Variants in EFCAB13 observed in about 807,000 individuals in gnomAD.
EFCAB13 encodes EF-hand calcium-binding domain-containing protein 13.
EFCAB13 carries 91 observed loss-of-function variants against 110.2 expected under a neutral mutation model. The ratio of observed to expected loss-of-function variants is 0.83; its 90% CI spans 0.70 to 0.98. The LOEUF (loss-of-function observed/expected upper bound fraction) is 0.98. Ranked by LOEUF, EFCAB13 falls within the 50% of genes least tolerant of loss-of-function variation. The pLI is 0.00. For synonymous variants in EFCAB13, 323 were observed against 369.9 expected (o/e 0.87, Z 1.45); for missense variants, 968 against 1,119.4 (o/e 0.86, Z 1.93).
At position 47,324,963 on chromosome 17, in the gene EFCAB13, A is replaced by G. The variant is rs547217131; in HGVS notation, c.-248+440A>G. Among the ~76,000 whole-genome samples the G allele has an allele frequency of 2.5e-4, 32 of 126,762 alleles. No homozygotes were observed. The South Asian group carries it at 8.8e-3, about 35-fold the overall frequency. 83.2% of individuals were successfully genotyped at this position (126,762 alleles called of 152,430 possible). A position where few individuals can be genotyped will look rare whatever the true frequency, so the allele number is the denominator to read the frequency against. On this transcript the variant is annotated intron_variant, in intron 2 of 24. Transcript: ENST00000331493. Reference sequence around the variant, plus strand: ...CCAGATGGCTCCTTTCAAGTTTGTCAGTGTCCTCCGTGTTGTGAAACCTAG... The same window carrying G: ...CCAGATGGCTCCTTTCAAGTTTGTCGGTGTCCTCCGTGTTGTGAAACCTAG...
intron 9 of EFCAB13, among the ~76,000 whole-genome samples, chr17:47,348,569 A>G (rs1489818567): frequency 1.3e-5 from 2 of 151,860 alleles, no homozygotes; most frequent in Admixed American, 1.3e-4. Context: ...ATATTGTTGT[A>G]TACTGCTTTT....
chr17:47,438,089 G>A lies in EFCAB13; in HGVS notation c.2639-2342G>A, dbSNP rs148404703. On this transcript the variant is annotated intron_variant, in intron 24 of 24. Coordinates refer to ENST00000331493, the MANE Select transcript of EFCAB13 (RefSeq NM_152347.5). ...TTCTTGGCTGATAATTGTTTTGTTTGAAGAGGCTGAAGATAGGGCCCTAAT... is the reference window on the plus strand; with the variant it reads ...TTCTTGGCTGATAATTGTTTTGTTTAAAGAGGCTGAAGATAGGGCCCTAAT... Among the ~76,000 whole-genome samples, 646 of 152,252 alleles carry A rather than the reference G, an allele frequency of 4.2e-3. 18 individuals are homozygous for A. The East Asian group carries it at 0.064, about 15-fold the overall frequency.
chr17:47,361,505 A>T lies in EFCAB13; in HGVS notation c.789A>T (p.Lys263Asn). The change falls in exon 10 of 25, where the codon AAA becomes AAT. Residue 263 changes from lysine (K) to asparagine (N), a missense_variant. Coordinates refer to ENST00000331493, the MANE Select transcript of EFCAB13 (RefSeq NM_152347.5). The part of the protein sequence containing the change: ...INREILEEVT[K>N]HTYIDSNHMV... ...GTGAAATTTTAGAAGAAGTGACAAA[A>T]CATACCTATATTGACAGTGAGTTAT... The T allele has an allele frequency of 6.3e-7, 1 of 1,580,620 alleles. No homozygotes were observed. Among genetic ancestry groups the T allele is most frequent in the Non-Finnish European group, 8.6e-7 (1 of 1,163,556 alleles).
chr17:47,328,039 A>C (rs2065297405), intron 3 of EFCAB13: 1 of 468,504 alleles, frequency 2.1e-6, no homozygotes, highest in Non-Finnish European at 3.7e-6. Context: ...ATGCCATTTG[A>C]AACTGGATTT....
intron 24 of EFCAB13, among the ~76,000 whole-genome samples, chr17:47,433,836 C>T (rs1319436132): frequency 6.6e-6 from 1 of 152,082 alleles, no homozygotes; most frequent in Non-Finnish European, 1.5e-5. Context: ...CTTTCTATTT[C>T]AGCCACCTGT....
At chr17:47,350,480 A>G (rs1191935436) in intron 9 of EFCAB13, among the ~76,000 whole-genome samples, 3 of 152,114 alleles carry the variant, frequency 2.0e-5, no homozygotes, top group Non-Finnish European at 2.9e-5. Flanking sequence ...AATTTTGTTC[A>G]CCACTCTTAC....
intron 23 of EFCAB13, among the ~76,000 whole-genome samples, chr17:47,426,613 A>G (rs1904968942): frequency 6.6e-6 from 1 of 152,176 alleles, no homozygotes; most frequent in South Asian, 2.1e-4. Context: ...TTTAATCTTT[A>G]TATTTAACTT....
chr17:47,397,675 G>T (rs1409302811), intron 17 of EFCAB13, among the ~76,000 whole-genome samples: 1 of 151,618 alleles, frequency 6.6e-6, no homozygotes, highest in Admixed American at 6.6e-5. Flanking sequence ...CCCCGCCTGG[G>T]ATGTGAGGAG....
At chr17:47,338,162 G>T (rs1381926987) in intron 5 of EFCAB13, among the ~76,000 whole-genome samples, 1 of 151,922 alleles carries the variant, frequency 6.6e-6, no homozygotes, top group African/African-American at 2.4e-5. Flanking sequence ...ATATATGGGG[G>T]ATATAAAGCA....
intron 17 of EFCAB13, among the ~76,000 whole-genome samples, chr17:47,400,292 C>G (rs994515689): frequency 6.6e-6 from 1 of 152,126 alleles, no homozygotes; most frequent in African/African-American, 2.4e-5. Flanking sequence ...GTGATTAATC[C>G]TGTTTTGGTG....
chr17:47,329,733 C>T (rs541064521), intron 4 of EFCAB13: 11 of 152,176 alleles, frequency 7.2e-5, no homozygotes, highest in Non-Finnish European at 1.5e-4. Flanking sequence ...TGTTTTCATT[C>T]ACTTGGCCTT....
intron 22 of EFCAB13, among the ~76,000 whole-genome samples, chr17:47,413,999 A>G (rs374193174): frequency 3.5e-4 from 54 of 152,228 alleles, no homozygotes; most frequent in African/African-American, 1.3e-3. Flanking sequence ...TTAGTACTCA[A>G]TGCTTAGCAT....
In EFCAB13 at chr17:47,404,705, C is replaced by T. The variant is rs560169150; in HGVS notation, c.2233+72C>T. 7 of 1,193,236 alleles carry T rather than the reference C, an allele frequency of 5.9e-6. No homozygotes were observed. In the African/African-American group the frequency reaches 1.1e-4, roughly 18 times the overall value. The allele number at this position is 1,193,236 out of a possible 1,614,324, so 73.9% of individuals were successfully genotyped here. ...TATTCAAAGTTCACCTAGTAAAACC[C>T]TAAATTTGGTGTTTAAATCTTCTTT... On this transcript the variant is annotated intron_variant, in intron 20 of 24. Coordinates refer to ENST00000331493, the MANE Select transcript of EFCAB13 (RefSeq NM_152347.5).
intron 11 of EFCAB13, among the ~76,000 whole-genome samples, chr17:47,374,056 G>T: frequency 6.6e-6 from 1 of 152,046 alleles, no homozygotes; most frequent in East Asian, 1.9e-4. Context: ...GAATATTTAG[G>T]AGAGTAATTA....
At chr17:47,395,146 A>G (rs915819484) in intron 16 of EFCAB13, among the ~76,000 whole-genome samples, 1 of 152,140 alleles carries the variant, frequency 6.6e-6, no homozygotes, top group African/African-American at 2.4e-5. Flanking sequence ...GCCTCCGTGT[A>G]CTTTTGTTGC....
At chr17:47,371,576 G>A (rs1203073441) in intron 11 of EFCAB13, among the ~76,000 whole-genome samples, 1 of 152,018 alleles carries the variant, frequency 6.6e-6, no homozygotes. Flanking sequence ...GTAAATATGT[G>A]ACTTTATTTC....
At chr17:47,332,730 T>C (rs2065326971) in intron 4 of EFCAB13, among the ~76,000 whole-genome samples, 1 of 152,222 alleles carries the variant, frequency 6.6e-6, no homozygotes, top group Non-Finnish European at 1.5e-5. Context: ...ATCCATGTTA[T>C]CGTGAATGAC....
At chr17:47,332,954 C>G (rs1380157613) in intron 4 of EFCAB13, among the ~76,000 whole-genome samples, 1 of 152,076 alleles carries the variant, frequency 6.6e-6, no homozygotes, top group Non-Finnish European at 1.5e-5. Context: ...CTGGATCACA[C>G]GGTAATTCTG....
chr17:47,398,330 T>G (rs2065758980), intron 17 of EFCAB13, among the ~76,000 whole-genome samples: 1 of 148,996 alleles, frequency 6.7e-6, no homozygotes, highest in African/African-American at 2.5e-5. Flanking sequence ...GAGGAGCCCC[T>G]CTGCCCGGCC....
Sources: allele counts gnomAD v4.1 joint callset (sites outside exome capture counted in the v4.1 genomes callset), GRCh38; gene constraint gnomAD v4.1.1; transcripts MANE v1.5; gene names NCBI Gene and HGNC (gene_info 2026-07-23, HGNC 2026-07-21).